Variants in BLTP3A observed in about 807,000 individuals in gnomAD.
BLTP3A encodes bridge-like lipid transfer protein family member 3A.
At chr6:34,807,960 G>T in the BLTP3A span, among the ~76,000 whole-genome samples, 1 of 152,146 alleles carries the variant, frequency 6.6e-6, no homozygotes, top group Non-Finnish European at 1.5e-5. Flanking sequence ...AGAATCGCTT[G>T]AACCGGGAGG....
the BLTP3A span, among the ~76,000 whole-genome samples, chr6:34,861,400 A>T: frequency 6.6e-6 from 1 of 152,244 alleles, no homozygotes; most frequent in African/African-American, 2.4e-5. Flanking sequence ...TGCTGGGATT[A>T]CAGGTGTGAG....
At chr6:34,841,169 T>G in the BLTP3A span, among the ~76,000 whole-genome samples, 1 of 151,682 alleles carries the variant, frequency 6.6e-6, no homozygotes. Flanking sequence ...TTATTTTTTT[T>G]GATTCTCACA....
At chr6:34,834,873 C>T in the BLTP3A span, 2 of 1,606,010 alleles carry the variant, frequency 1.2e-6, no homozygotes, top group South Asian at 2.2e-5. Flanking sequence ...TAAGTGTGTT[C>T]TCTGGCCTCA....
the BLTP3A span, chr6:34,821,303 A>T: frequency 1.1e-5 from 2 of 180,274 alleles, no homozygotes; most frequent in East Asian, 3.1e-4. Flanking sequence ...GAAAGACTAC[A>T]TTGCCATTGC....
the BLTP3A span, chr6:34,858,704 G>A: frequency 1.2e-6 from 2 of 1,614,228 alleles, no homozygotes; most frequent in Non-Finnish European, 1.7e-6. Flanking sequence ...GACTTGAAAA[G>A]CTTATCAGGA....
the BLTP3A span, among the ~76,000 whole-genome samples, chr6:34,802,621 A>G: frequency 1.4e-4 from 21 of 152,060 alleles, no homozygotes; most frequent in African/African-American, 4.6e-4. Context: ...TCGGCCTCCC[A>G]AAGTACTGGG....
At chr6:34,868,936 A>G in the BLTP3A span, among the ~76,000 whole-genome samples, 35 of 152,048 alleles carry the variant, frequency 2.3e-4, no homozygotes, top group Non-Finnish European at 4.4e-4. Context: ...AACACTTATA[A>G]AATATATGTA....
the BLTP3A span, chr6:34,858,977 T>C: frequency 6.2e-7 from 1 of 1,614,102 alleles, no homozygotes. Context: ...ATTGGAGTTC[T>C]CTTTCCCAGT....
the BLTP3A span, among the ~76,000 whole-genome samples, chr6:34,865,063 T>TAC: frequency 6.6e-6 from 1 of 152,278 alleles, no homozygotes; most frequent in African/African-American, 2.4e-5. Context: ...CTATGATATA[T>TAC]ACACACACAC....
chr6:34,834,346 C>T, the BLTP3A span: 2 of 1,613,994 alleles, frequency 1.2e-6, no homozygotes, highest in African/African-American at 1.3e-5. Flanking sequence ...ATAGTGTCAA[C>T]CCCAACTGGC....
the BLTP3A span, among the ~76,000 whole-genome samples, chr6:34,841,554 T>C: frequency 1.3e-5 from 2 of 152,242 alleles, no homozygotes; most frequent in Admixed American, 1.3e-4. Flanking sequence ...GTATAGTCTA[T>C]AAGCCATAGA....
the BLTP3A span, among the ~76,000 whole-genome samples, chr6:34,824,015 T>C: frequency 1.3e-5 from 2 of 150,688 alleles, no homozygotes; most frequent in African/African-American, 2.4e-5. Context: ...TGATCTTGGC[T>C]CACTGCATCA....
chr6:34,836,649 C>CT, the BLTP3A span, among the ~76,000 whole-genome samples: 3 of 152,034 alleles, frequency 2.0e-5, no homozygotes, highest in East Asian at 1.9e-4. Context: ...GCAGTGTAAA[C>CT]TTTTTTTTCC....
the BLTP3A span, chr6:34,867,410 G>A: frequency 2.5e-6 from 4 of 1,613,450 alleles, no homozygotes; most frequent in African/African-American, 4.0e-5. Context: ...CTCTGCAGAG[G>A]GTAGGCTCTG....
the BLTP3A span, chr6:34,835,528 C>T: frequency 1.3e-6 from 2 of 1,519,504 alleles, no homozygotes; most frequent in Admixed American, 2.1e-5. Flanking sequence ...CTAACTCATA[C>T]TAATGTAGGT....
At chr6:34,851,941 A>C in the BLTP3A span, among the ~76,000 whole-genome samples, 2 of 152,092 alleles carry the variant, frequency 1.3e-5, no homozygotes, top group Non-Finnish European at 2.9e-5. Context: ...GGCTACTGCC[A>C]ATGTTTACTC....
At chr6:34,856,282 G>A in the BLTP3A span, 1 of 1,614,140 alleles carries the variant, frequency 6.2e-7, no homozygotes. Context: ...AGGCCATGGA[G>A]ACCCGAGGCC....
chr6:34,861,745 G>C, the BLTP3A span, among the ~76,000 whole-genome samples: 1 of 152,130 alleles, frequency 6.6e-6, no homozygotes, highest in Non-Finnish European at 1.5e-5. Context: ...ATGAATATAT[G>C]ATTTTTATTT....
At chr6:34,876,454 GT>G in the BLTP3A span, 1 of 152,188 alleles carries the variant, frequency 6.6e-6, no homozygotes, top group South Asian at 2.1e-4. Flanking sequence ...AAAGAAGGTA[GT>G]TTGAAATATT....
Sources: allele counts gnomAD v4.1 joint callset (sites outside exome capture counted in the v4.1 genomes callset), GRCh38; gene constraint gnomAD v4.1.1; transcripts MANE v1.5; gene names NCBI Gene and HGNC (gene_info 2026-07-23, HGNC 2026-07-21).